The following KDM6B variants were observed in gnomAD, a reference collection of about 807,000 sequenced individuals.
The protein encoded by KDM6B is lysine-specific demethylase 6B.
KDM6B carries 22 observed loss-of-function variants against 150.4 expected under a neutral mutation model. The observed-to-expected ratio is 0.15, with a 90% CI of 0.10 to 0.21. The LOEUF (loss-of-function observed/expected upper bound fraction) is 0.21. KDM6B is among the 10% of genes least tolerant of loss of function. The pLI, the probability that KDM6B is intolerant of heterozygous loss-of-function variation, is 1.00. For missense variants in KDM6B, 1,984 were observed against 2,234.3 expected (o/e 0.89, Z 2.26); for synonymous variants, 1,148 against 921.1 (o/e 1.25, Z -4.46).
rs1252771491 is a variant in KDM6B at position 7,845,613 on chromosome 17, G to A, written c.59G>A (p.Gly20Glu). ...ARAAREAFAL[G>E]GLSCAGAWSS... ...GCTGCACGGGAAGCCTTTGCCCTTG[G>A]GGGCCTGAGCTGTGCTGGGGCCTGG... is the stretch of plus-strand genomic sequence containing the variant. Residue 20 changes from glycine to glutamate, a missense_variant, in exon 5 of 24, where the codon GGG (glycine) becomes GAG (glutamate). Coordinates refer to ENST00000448097, the MANE Select transcript of KDM6B (RefSeq NM_001348716.2). 3.7e-6 allele frequency: 6 copies of A among 1,614,180 alleles called. No individual in the cohort carries two copies. Among genetic ancestry groups the A allele is most frequent in the Non-Finnish European group, 5.1e-6 (6 of 1,180,040 alleles).
intron 1 of KDM6B, among the ~76,000 whole-genome samples, chr17:7,839,026 A>G (rs1288868101): frequency 6.6e-6 from 1 of 152,112 alleles, no homozygotes; most frequent in East Asian, 1.9e-4. Context: ...GCTAGGGAAT[A>G]TAGAGATTAG....
Position 7,854,682 on chromosome 17 carries a change from C to T in KDM6B, c.*1161C>T, listed in dbSNP as rs1207420258. ...GGTGGGGGGTTTACAGTCCCGCACCCTCGCACTGCACTGTCTCTCTGCCCC... is the reference window on the plus strand; with the variant it reads ...GGTGGGGGGTTTACAGTCCCGCACCTTCGCACTGCACTGTCTCTCTGCCCC... On this transcript the variant is annotated 3_prime_UTR_variant, in exon 24 of 24. Coordinates refer to ENST00000448097, the MANE Select transcript of KDM6B (RefSeq NM_001348716.2). 1 of 187,906 alleles carries T rather than the reference C, an allele frequency of 5.3e-6. No homozygotes were observed. The highest frequency in any genetic ancestry group is 1.5e-4 in the East Asian group (1 of 6,482). 11.6% of individuals were successfully genotyped at this position (187,906 alleles called of 1,614,324 possible).
In KDM6B at chr17:7,849,236, A is replaced by C. The variant is rs761148518; in HGVS notation, c.2948A>C (p.His983Pro). ...KRRQKEHQKE[H>P]RRHRRACKDS... Reference sequence around the variant, plus strand: ...CGACAGAAGGAGCATCAGAAGGAGCATCGGCGGCACAGGCGGGCCTGTAAG... The same window carrying C: ...CGACAGAAGGAGCATCAGAAGGAGCCTCGGCGGCACAGGCGGGCCTGTAAG... Residue 983 changes from histidine (H) to proline (P), a missense_variant, in exon 12 of 24, where the codon CAT (histidine) becomes CCT (proline). Around this residue, in one of 13 missense-constraint regions of KDM6B, gnomAD observed 1,379 missense variants for 1,275.6 expected, o/e 1.08. Transcript: ENST00000448097. The C allele has an allele frequency of 6.3e-7, 1 of 1,577,300 alleles. No individual in the cohort carries two copies. Among genetic ancestry groups the C allele is most frequent in the South Asian group, 1.1e-5 (1 of 87,934 alleles).
At chr17:7,834,372 G>T (rs1328591972) in intron 1 of KDM6B, among the ~76,000 whole-genome samples, 22 bp downstream of exon 1, 1 of 152,054 alleles carries the variant, frequency 6.6e-6, no homozygotes, top group Non-Finnish European at 1.5e-5. Flanking sequence ...CCGCGAGGAC[G>T]TCTGTAAAGA....
At chr17:7,845,775 T>G in intron 5 of KDM6B, 84 bp downstream of exon 5, 1 of 1,603,708 alleles carries the variant, frequency 6.2e-7, no homozygotes, top group Non-Finnish European at 8.5e-7. Context: ...CATGGGTTCC[T>G]GTCATTCTGT....
intron 2 of KDM6B, among the ~76,000 whole-genome samples, chr17:7,840,950 C>G (rs1029069240): frequency 3.9e-5 from 6 of 152,106 alleles, no homozygotes; most frequent in Admixed American, 2.6e-4. Flanking sequence ...AGGAGATGGC[C>G]TGTGAGGATA....
chr17:7,849,064 G>A lies in KDM6B; in HGVS notation c.2776G>A (p.Glu926Lys), dbSNP rs1465789999. ...CAGCCGGGCTTGCGAGACCCTTGTGGAGCGGGTGGGCCGGAGTGCCACTGA... is the reference window on the plus strand; with the variant it reads ...CAGCCGGGCTTGCGAGACCCTTGTGAAGCGGGTGGGCCGGAGTGCCACTGA... Reference protein sequence around the residue: ...EISRACETLVERVGRSATDPA... With the variant: ...EISRACETLVKRVGRSATDPA... Residue 926 changes from glutamate (E) to lysine (K), a missense_variant, in exon 12 of 24, where the codon GAG (glutamate) becomes AAG (lysine). Glu to Lys is a moderately conservative substitution (Grantham distance 56). Transcript: ENST00000448097. 2 of 1,612,240 alleles carry A rather than the reference G, an allele frequency of 1.2e-6. No homozygotes were observed. Among genetic ancestry groups the A allele is most frequent in the Non-Finnish European group, 1.7e-6 (2 of 1,179,836 alleles).
intron 18 of KDM6B, 55 bp downstream of exon 18, chr17:7,851,851 G>T: frequency 6.4e-7 from 1 of 1,566,674 alleles, no homozygotes; most frequent in Non-Finnish European, 8.6e-7. Context: ...AGGGGCTGGC[G>T]GCGGCGCTCA....
chr17:7,843,050 G>A lies in KDM6B; in HGVS notation c.-268-1851G>A, dbSNP rs1047399946. Among the ~76,000 whole-genome samples, 1 of 152,072 alleles carries A rather than the reference G, an allele frequency of 6.6e-6. No individual in the cohort carries two copies. The highest frequency in any genetic ancestry group is 1.5e-5 in the Non-Finnish European group (1 of 68,004). On this transcript the variant is annotated intron_variant, in intron 2 of 23. Coordinates refer to ENST00000448097, the MANE Select transcript of KDM6B (RefSeq NM_001348716.2). The surrounding 1 kb of genome is among the most constrained non-coding windows in gnomAD (Gnocchi z 4.5). The stretch of plus-strand genomic sequence containing the variant: ...AAAGGTGGAAGAGCAGGGAGCTGGA[G>A]GGACGGCACTCACTGACTTAGGGAA...
rs200131441 is a variant in KDM6B, at chr17:7,846,372, C to A, written c.457-28C>A. The A allele has an allele frequency of 5.9e-6, 3 of 510,152 alleles. 1 individual carries two copies. The highest frequency in any genetic ancestry group is 7.3e-4 in the Middle Eastern group (2 of 2,742). 31.6% of individuals were successfully genotyped at this position (510,152 alleles called of 1,614,324 possible). A position where few individuals can be genotyped will look rare whatever the true frequency, so the allele number is the denominator to read the frequency against. On this transcript the variant is annotated intron_variant, in intron 7 of 23. Transcript: ENST00000448097. Reference sequence around the variant, plus strand: ...GGCTCAGTGCCCCACCTGACATCTGCCCCTGCCCCGTGTCCCCCCACCCCC... The same window carrying A: ...GGCTCAGTGCCCCACCTGACATCTGACCCTGCCCCGTGTCCCCCCACCCCC...
chr17:7,839,376 G>A (rs1422876418), intron 1 of KDM6B, among the ~76,000 whole-genome samples: 3 of 152,106 alleles, frequency 2.0e-5, no homozygotes, highest in Admixed American at 2.0e-4. Flanking sequence ...GGGGAGGATG[G>A]CCCCTCCCTG....
intron 1 of KDM6B, among the ~76,000 whole-genome samples, chr17:7,835,654 G>A (rs1367721894): frequency 6.6e-6 from 1 of 152,120 alleles, no homozygotes; most frequent in African/African-American, 2.4e-5. Context: ...GGGGATGATA[G>A]CGACAGGAAA....
At position 7,852,141 on chromosome 17, in the gene KDM6B, C is replaced by T. The variant is rs1042042869; in HGVS notation, c.4281-8C>T. 1 of 1,614,036 alleles carries T rather than the reference C, an allele frequency of 6.2e-7. No individual in the cohort carries two copies. Among genetic ancestry groups the T allele is most frequent in the Non-Finnish European group, 8.5e-7 (1 of 1,180,018 alleles). On this transcript the variant is annotated splice_region_variant and splice_polypyrimidine_tract_variant and intron_variant, in intron 19 of 23. Coordinates refer to ENST00000448097, the MANE Select transcript of KDM6B (RefSeq NM_001348716.2). ...CCAGTTCCCACCTGACCTGTGGCCA[C>T]CCCGCAGGCACGGCGTGGACTACTT... is the stretch of plus-strand genomic sequence containing the variant.
chr17:7,845,116 C>T (rs2078505374), intron 3 of KDM6B, 96 bp downstream of exon 3: 2 of 258,136 alleles, frequency 7.7e-6, no homozygotes, highest in South Asian at 4.1e-5. Flanking sequence ...TTTTGGTTCC[C>T]TGCCACACAC....
chr17:7,852,401 G>T, intron 20 of KDM6B, 65 bp downstream of exon 20: 1 of 1,289,870 alleles, frequency 7.8e-7, no homozygotes, highest in Non-Finnish European at 1.1e-6. Context: ...GGGAGGCTGG[G>T]GCTTGGAGAG....
At chr17:7,847,073 C>T (rs771296098) in intron 10 of KDM6B, 32 bp from the exon 11 acceptor site, 19 of 1,610,340 alleles carry the variant, frequency 1.2e-5, no homozygotes, top group Middle Eastern at 1.6e-4. Flanking sequence ...GCTCTCTATT[C>T]CTCATCCTGC....
At position 7,848,158 on chromosome 17, in the gene KDM6B, C is replaced by T. The variant is rs761505543; in HGVS notation, c.1870C>T (p.Arg624Cys). ...CCAAAATACCTCAGGAAGCTTCAGG[C>T]GCCCGGAGAGCCCCCGGCCCAGGGT... The part of the protein sequence containing the change: ...CHQNTSGSFR[R>C]PESPRPRVSF... The change falls in exon 12 of 24, where the codon CGC (arginine) becomes TGC (cysteine). Residue 624 changes from arginine (R) to cysteine (C), a missense_variant. Arg to Cys is a radical substitution (Grantham distance 180). This residue lies in a region of KDM6B where 1,379 missense variants were observed against 1,275.6 expected (regional missense o/e 1.08). Coordinates refer to ENST00000448097, the MANE Select transcript of KDM6B (RefSeq NM_001348716.2). The T allele has an allele frequency of 2.0e-5, 32 of 1,612,660 alleles. No homozygotes were observed. Among genetic ancestry groups the T allele is most frequent in the East Asian group, 1.6e-4 (7 of 44,854 alleles).
rs2078771702 is a variant in KDM6B at position 7,854,471 on chromosome 17, C to A, written c.*950C>A. The A allele has an allele frequency of 6.6e-6, 1 of 151,722 alleles. No homozygotes were observed. 9.4% of individuals were successfully genotyped at this position (151,722 alleles called of 1,614,324 possible). ...AGAAAGAACTATGAGGAAAAGGAAC[C>A]CCGTCCTTCCCAGCCCCGGCCAACT... On this transcript the variant is annotated 3_prime_UTR_variant, in exon 24 of 24. Transcript: ENST00000448097.
chr17:7,848,876 C>T lies in KDM6B; in HGVS notation c.2588C>T (p.Pro863Leu), dbSNP rs1567797059. 3 of 1,609,120 alleles carry T rather than the reference C, an allele frequency of 1.9e-6. No homozygotes were observed. The highest frequency in any genetic ancestry group is 2.5e-6 in the Non-Finnish European group (3 of 1,177,462). ...AAPSAQGSPQ[P>L]SASSSSQFST... ...CCTAGCGCCCAGGGCTCCCCACAGC[C>T]CTCTGCTTCCTCGTCATCTCAGTTC... The change falls in exon 12 of 24, where the codon CCC becomes CTC. Residue 863 changes from proline (P) to leucine (L), a missense_variant. Physicochemically the swap from Pro to Leu is moderately conservative, Grantham distance 98. Coordinates refer to ENST00000448097, the MANE Select transcript of KDM6B (RefSeq NM_001348716.2).
Sources: allele counts gnomAD v4.1 joint callset (sites outside exome capture counted in the v4.1 genomes callset), GRCh38; gene constraint gnomAD v4.1.1; regional missense constraint gnomAD v4.1.1; non-coding constraint Gnocchi (gnomAD v3.1); transcripts MANE v1.5; gene names NCBI Gene and HGNC (gene_info 2026-07-23, HGNC 2026-07-21).